The following MTA3 variants were observed in gnomAD, a reference collection of about 807,000 sequenced individuals.
The protein encoded by MTA3 is metastasis associated 1 family member 3, also known as metastasis-associated protein MTA3.
MTA3 carries 34 observed loss-of-function variants against 83.5 expected under a neutral mutation model. The observed-to-expected ratio is 0.41, with a 90% CI of 0.31 to 0.54. MTA3 has a LOEUF of 0.54. MTA3 is among the 20% of genes least tolerant of loss of function. MTA3 has a pLI of 0.33. For missense variants in MTA3, 761 were observed against 726.4 expected (o/e 1.05, Z -0.55); for synonymous variants, 303 against 252.7 (o/e 1.20, Z -1.89).
chr2:42,615,473 T>G (rs181821855), intron 4 of MTA3, among the ~76,000 whole-genome samples: 2 of 151,838 alleles, frequency 1.3e-5, no homozygotes, highest in African/African-American at 2.4e-5. Flanking sequence ...CTCTTGTCTC[T>G]GCCTCCCTAA....
chr2:42,655,952 A>G (rs1452143244), intron 6 of MTA3, among the ~76,000 whole-genome samples: 1 of 152,166 alleles, frequency 6.6e-6, no homozygotes, highest in Non-Finnish European at 1.5e-5. Flanking sequence ...ACTGCCTCTC[A>G]CATACAGCTA....
chr2:42,678,789 TATACATACATATAC>T (rs1691613609), intron 8 of MTA3, among the ~76,000 whole-genome samples: 1 of 152,176 alleles, frequency 6.6e-6, no homozygotes, highest in Admixed American at 6.5e-5. Context: ...TGTGTGTGTG[TATACATACATATAC>T]ATACATATTA....
intron 5 of MTA3, among the ~76,000 whole-genome samples, chr2:42,640,871 T>C (rs1347931344): frequency 6.6e-6 from 1 of 152,154 alleles, no homozygotes; most frequent in East Asian, 1.9e-4. Flanking sequence ...ATCTTTATGA[T>C]TTTTTTCTTC....
At chr2:42,502,832 A>G (rs1674457710) in intron 2 of MTA3, among the ~76,000 whole-genome samples, 1 of 145,358 alleles carries the variant, frequency 6.9e-6, no homozygotes, top group African/African-American at 2.6e-5. Context: ...GCATGGTGGC[A>G]GCCGCCTGTA....
chr2:42,687,093 C>T (rs1692445467), intron 9 of MTA3, among the ~76,000 whole-genome samples: 2 of 152,320 alleles, frequency 1.3e-5, no homozygotes, highest in Admixed American at 1.3e-4. Context: ...CGCCACTGCA[C>T]TCTAGCCTAG....
chr2:42,539,043 G>A lies in MTA3; in HGVS notation c.-140-31394G>A, dbSNP rs1027971420. ...CCCGCCTCGGCCTCCCAAAGTGCTGGGATTACAGGCGTGAGCCACCGCTCC... is the reference window on the plus strand; with the variant it reads ...CCCGCCTCGGCCTCCCAAAGTGCTGAGATTACAGGCGTGAGCCACCGCTCC... On this transcript the variant is annotated intron_variant, in intron 2 of 17. Coordinates refer to the MTA3 transcript ENST00000405592. 1.3e-5 allele frequency among the ~76,000 whole-genome samples: 2 copies of A among 151,868 alleles called. 1 individual carries two copies. Among genetic ancestry groups the A allele is most frequent in the African/African-American group, 4.8e-5 (2 of 41,350 alleles).
chr2:42,521,628 G>A (rs1001819972), intron 2 of MTA3, among the ~76,000 whole-genome samples: 1 of 152,136 alleles, frequency 6.6e-6, no homozygotes, highest in African/African-American at 2.4e-5. Context: ...GAAAGGAAGG[G>A]TGGCTCTCAA....
At chr2:42,746,855 C>T (rs6544592) in intron 16 of MTA3, among the ~76,000 whole-genome samples, 44,944 of 152,178 alleles carry the variant, frequency 0.3, 7,112 homozygotes, top group East Asian at 0.61. Context: ...GCTCTCCAAA[C>T]TCTGCCCGCT....
chr2:42,587,607 TG>T (rs1451114765), intron 3 of MTA3, among the ~76,000 whole-genome samples: 1 of 152,194 alleles, frequency 6.6e-6, no homozygotes, highest in Admixed American at 6.5e-5. Flanking sequence ...TTTATTTGTT[TG>T]TTTTTTTGAG....
chr2:42,676,170 T>C (rs1242675716), intron 8 of MTA3, among the ~76,000 whole-genome samples: 1 of 152,248 alleles, frequency 6.6e-6, no homozygotes, highest in Admixed American at 6.5e-5. Context: ...TGAAAGCAAA[T>C]GGTTCCTTCA....
intron 3 of MTA3, among the ~76,000 whole-genome samples, chr2:42,583,633 A>G (rs1423528895): frequency 6.6e-6 from 1 of 151,492 alleles, no homozygotes; most frequent in Non-Finnish European, 1.5e-5. Flanking sequence ...GGTTCAAGCA[A>G]TTCTCATGCC....
chr2:42,668,957 C>T (rs1488883604), intron 8 of MTA3, among the ~76,000 whole-genome samples: 1 of 152,048 alleles, frequency 6.6e-6, no homozygotes, highest in African/African-American at 2.4e-5. Flanking sequence ...CAGATACTAA[C>T]GCTTTATAAA....
At chr2:42,532,295 G>T (rs530650862) in intron 2 of MTA3, among the ~76,000 whole-genome samples, 1 of 152,322 alleles carries the variant, frequency 6.6e-6, no homozygotes, top group African/African-American at 2.4e-5. Flanking sequence ...TGGATCACTT[G>T]AGGTCAGTAG....
chr2:42,641,208 G>GT (rs1165358003), intron 5 of MTA3, among the ~76,000 whole-genome samples: 7,212 of 131,674 alleles, frequency 0.055, 465 homozygotes, highest in African/African-American at 0.16. Flanking sequence ...TGCCTGGCCG[G>GT]TTTTTTTTTT....
intron 8 of MTA3, among the ~76,000 whole-genome samples, chr2:42,665,395 AAAAG>A (rs72329498): frequency 0.75 from 113,707 of 150,782 alleles, 43,074 homozygotes; most frequent in South Asian, 0.88. Flanking sequence ...CCTCTCAAAA[AAAAG>A]AAAGAAAGAA....
chr2:42,605,645 G>T (rs1683205473), intron 3 of MTA3, among the ~76,000 whole-genome samples: 1 of 113,660 alleles, frequency 8.8e-6, no homozygotes, highest in Non-Finnish European at 1.8e-5. Context: ...CCCGGACGGG[G>T]CGGCTGGCCG....
intron 3 of MTA3, among the ~76,000 whole-genome samples, chr2:42,597,819 TAC>T (rs1682008410): frequency 6.6e-6 from 1 of 151,500 alleles, no homozygotes; most frequent in African/African-American, 2.4e-5. Flanking sequence ...TAGCTGGGAC[TAC>T]AGTTGTGTGT....
chr2:42,502,987 A>AT (rs1400726037), intron 2 of MTA3, among the ~76,000 whole-genome samples: 1 of 151,814 alleles, frequency 6.6e-6, no homozygotes, highest in East Asian at 1.9e-4. Flanking sequence ...TAAATAAAAC[A>AT]TTAAAAAAAA....
At chr2:42,529,118 TTTTG>T (rs1357492912) in intron 2 of MTA3, among the ~76,000 whole-genome samples, 3 of 152,180 alleles carry the variant, frequency 2.0e-5, no homozygotes, top group Non-Finnish European at 4.4e-5. Context: ...TACTGGGTTT[TTTTG>T]TTTGTTTGTT....
Sources: allele counts gnomAD v4.1 joint callset (sites outside exome capture counted in the v4.1 genomes callset), GRCh38; gene constraint gnomAD v4.1.1; transcripts MANE v1.5; gene names NCBI Gene and HGNC (gene_info 2026-07-23, HGNC 2026-07-21).